LINC00305: variants seen among roughly 807,000 people sequenced by gnomAD.
LINC00305 encodes the protein long independently transcribed non-coding RNA 305, also known as long intergenic non-protein coding RNA 305.
intron 3 of LINC00305, among the ~76,000 whole-genome samples, chr18:64,080,790 A>C (rs2051182007): frequency 6.6e-6 from 1 of 152,226 alleles, no homozygotes; most frequent in Admixed American, 6.5e-5. Flanking sequence ...CACATATGCA[A>C]AACATGTCTG....
intron 1 of LINC00305, among the ~76,000 whole-genome samples, chr18:64,125,836 G>A (rs1163298615): frequency 6.6e-6 from 1 of 152,090 alleles, no homozygotes; most frequent in Non-Finnish European, 1.5e-5. Flanking sequence ...CCATTATCAG[G>A]GGGAGTGGGT....
chr18:64,085,331 A>T (rs1459375496), intron 3 of LINC00305, among the ~76,000 whole-genome samples: 5 of 152,182 alleles, frequency 3.3e-5, no homozygotes, highest in Non-Finnish European at 7.3e-5. Flanking sequence ...CCTATTTTCC[A>T]TAGGAAGTCT....
chr18:64,110,106 A>C (rs1377320282), intron 1 of LINC00305, among the ~76,000 whole-genome samples: 1 of 152,162 alleles, frequency 6.6e-6, no homozygotes, highest in Non-Finnish European at 1.5e-5. Flanking sequence ...CTTCTCCTGG[A>C]CATCTAAAAG....
intron 1 of LINC00305, among the ~76,000 whole-genome samples, chr18:64,133,385 A>G (rs562115605): frequency 3.5e-4 from 52 of 150,292 alleles, no homozygotes; most frequent in Non-Finnish European, 6.7e-4. Context: ...ATAAATTTTT[A>G]GTTTTAAGAG....
At chr18:64,130,865 T>C (rs923038198) in intron 1 of LINC00305, among the ~76,000 whole-genome samples, 15 of 152,112 alleles carry the variant, frequency 9.9e-5, no homozygotes, top group African/African-American at 3.6e-4. Flanking sequence ...AGGAAGGAGA[T>C]ATGGTAGATA....
intron 1 of LINC00305, among the ~76,000 whole-genome samples, chr18:64,136,642 T>C (rs1170453290): frequency 6.6e-6 from 1 of 152,154 alleles, no homozygotes; most frequent in Non-Finnish European, 1.5e-5. Context: ...CCCTATCAGC[T>C]GCAAAGGCTG....
At chr18:64,102,756 C>A (rs181291389) in intron 1 of LINC00305, among the ~76,000 whole-genome samples, 1 of 152,198 alleles carries the variant, frequency 6.6e-6, no homozygotes, top group East Asian at 1.9e-4. Flanking sequence ...ATGGTCAGAG[C>A]AGGAGAAAGA....
At chr18:64,124,441 C>T (rs1458688106) in intron 1 of LINC00305, among the ~76,000 whole-genome samples, 1 of 152,078 alleles carries the variant, frequency 6.6e-6, no homozygotes, top group African/African-American at 2.4e-5. Context: ...AAAATCACAC[C>T]ATGTTATTGT....
intron 3 of LINC00305, among the ~76,000 whole-genome samples, chr18:64,088,039 T>C (rs2590398): frequency 0.28 from 41,994 of 151,402 alleles, 6,190 homozygotes; most frequent in African/African-American, 0.37. Context: ...GAGAGAATGG[T>C]GTAAACCCGG....
chr18:64,130,947 T>G (rs537289570), intron 1 of LINC00305, among the ~76,000 whole-genome samples: 2 of 152,296 alleles, frequency 1.3e-5, no homozygotes, highest in East Asian at 3.9e-4. Context: ...GGCTTTAGTC[T>G]GTAGGTAAAG....
chr18:64,084,694 C>T (rs530978968), intron 3 of LINC00305, among the ~76,000 whole-genome samples: 23 of 152,354 alleles, frequency 1.5e-4, no homozygotes, highest in South Asian at 2.1e-4. Context: ...CTGCAGGGTT[C>T]GTGCATCCAA....
At chr18:64,129,271 G>A (rs560430225) in intron 1 of LINC00305, among the ~76,000 whole-genome samples, 1 of 152,166 alleles carries the variant, frequency 6.6e-6, no homozygotes, top group South Asian at 2.1e-4. Context: ...AATTATGCAA[G>A]CTATTTGATG....
chr18:64,086,689 T>C (rs2051204876), intron 3 of LINC00305, among the ~76,000 whole-genome samples: 1 of 152,224 alleles, frequency 6.6e-6, no homozygotes, highest in African/African-American at 2.4e-5. Flanking sequence ...TGGGGCTTGT[T>C]TCAGGATGGA....
chr18:64,108,071 T>A (rs1468567265), intron 1 of LINC00305, among the ~76,000 whole-genome samples: 1 of 152,164 alleles, frequency 6.6e-6, no homozygotes, highest in African/African-American at 2.4e-5. Context: ...GAATTATACA[T>A]CCAGGTTTCT....
At chr18:64,135,348 C>T (rs1245313176) in intron 1 of LINC00305, among the ~76,000 whole-genome samples, 1 of 152,104 alleles carries the variant, frequency 6.6e-6, no homozygotes, top group Non-Finnish European at 1.5e-5. Flanking sequence ...CACAGTTTAA[C>T]CCATAATGAC....
chr18:64,097,148 T>C (rs2051248079), intron 3 of LINC00305, among the ~76,000 whole-genome samples: 1 of 152,074 alleles, frequency 6.6e-6, no homozygotes, highest in South Asian at 2.1e-4. Flanking sequence ...TAACTGGATA[T>C]AACTATCCAT....
intron 3 of LINC00305, among the ~76,000 whole-genome samples, chr18:64,091,523 T>C (rs1285223235): frequency 2.6e-5 from 4 of 152,230 alleles, no homozygotes; most frequent in Non-Finnish European, 5.9e-5. Flanking sequence ...ACAGGTCCCA[T>C]GTCCATAAAG....
intron 1 of LINC00305, among the ~76,000 whole-genome samples, chr18:64,124,747 T>C (rs1444531955): frequency 6.6e-6 from 1 of 152,092 alleles, no homozygotes; most frequent in Non-Finnish European, 1.5e-5. Context: ...TTAAGTGCTT[T>C]ATAGGTGCTT....
intron 1 of LINC00305, among the ~76,000 whole-genome samples, chr18:64,126,243 TA>T (rs2051384520): frequency 6.6e-6 from 1 of 152,080 alleles, no homozygotes; most frequent in African/African-American, 2.4e-5. Flanking sequence ...GTAATTATAC[TA>T]AAACCTTCTT....
Sources: gnomAD v4.1 joint callset for allele counts (sites outside exome capture counted in the v4.1 genomes callset) on GRCh38, gnomAD v4.1.1 for gene constraint, MANE v1.5 for transcripts, NCBI Gene and HGNC (gene_info 2026-07-23, HGNC 2026-07-21) for gene names.